Variants in RXRB observed in about 807,000 individuals in gnomAD.
RXRB encodes retinoid X receptor beta, also known as retinoic acid receptor RXR-beta.
In RXRB, 18 loss-of-function variants were observed where a neutral mutation model predicts 52.5. That is an observed-to-expected ratio of 0.34 (90% confidence interval 0.24 to 0.51). RXRB has a LOEUF of 0.51. RXRB is among the 20% of genes least tolerant of loss of function. The pLI is 0.97. For missense variants in RXRB, 455 were observed against 698.2 expected, an observed-to-expected ratio of 0.65 and a Z score of 3.92; for synonymous variants, 233 against 267.1, an observed-to-expected ratio of 0.87 and a Z score of 1.25.
At chr6:33,198,216 G>T in intron 3 of RXRB, 92 bp downstream of exon 3, 2 of 1,568,518 alleles carry the variant, frequency 1.3e-6, no homozygotes, top group Non-Finnish European at 8.8e-7. Flanking sequence ...CAGGTCACTT[G>T]CTCTGACCAA....
At position 33,198,382 on chromosome 6, in the gene RXRB, AGGC is replaced by A. The variant is rs1350007211; in HGVS notation, c.563_565del (p.Gly188_Leu189delinsVal). 6.2e-7 allele frequency: 1 copy of A among 1,612,734 alleles called. No homozygotes were observed. Among genetic ancestry groups the A allele is most frequent in the East Asian group, 2.2e-5 (1 of 44,898 alleles). ...GCCACCTGGAGGGGGTGGACAGTGCAGGCCCCGGACCCCTAAGACTGGTGGCTT... is the reference window on the plus strand; with the variant it reads ...GCCACCTGGAGGGGGTGGACAGTGCACCCGGACCCCTAAGACTGGTGGCTT... On this transcript the variant is annotated inframe_deletion, in exon 3 of 10. Coordinates refer to ENST00000374680, the MANE Select transcript of RXRB (RefSeq NM_021976.5).
rs756256056 is a variant in RXRB, at chr6:33,200,010, C to T, written c.235+232G>A. 4 of 778,868 alleles carry T rather than the reference C, an allele frequency of 5.1e-6. No individual in the cohort carries two copies. The highest frequency in any genetic ancestry group is 5.1e-5 in the Admixed American group (3 of 58,972). The allele number at this position is 778,868 out of a possible 1,614,324, so 48.2% of individuals were successfully genotyped here. ...TAAGAGGAATCGTGCCCTTCCCAGG[C>T]CCGCGACCTCCGGTGCCCAAGGCCT... On this transcript the variant is annotated intron_variant, in intron 1 of 9. Coordinates refer to ENST00000374680, the MANE Select transcript of RXRB (RefSeq NM_021976.5). The surrounding 1 kb of genome is among the most constrained non-coding windows in gnomAD (Gnocchi z 6.3).
chr6:33,199,093 C>T, intron 2 of RXRB, 76 bp downstream of exon 2: 2 of 1,117,062 alleles, frequency 1.8e-6, no homozygotes, highest in Non-Finnish European at 2.3e-6. Flanking sequence ...TGGGGAAGTT[C>T]ACACAAGGAT....
chr6:33,198,021 G>T (rs556027133), intron 3 of RXRB, 80 bp from the exon 4 acceptor site: 2 of 1,473,086 alleles, frequency 1.4e-6, no homozygotes, highest in South Asian at 1.2e-5. Context: ...TCTCCCCCTA[G>T]CAAAACTTAA....
chr6:33,200,216 G>A lies in RXRB; in HGVS notation c.235+26C>T. 1.3e-6 allele frequency: 2 copies of A among 1,597,300 alleles called. No homozygotes were observed. Among genetic ancestry groups the A allele is most frequent in the East Asian group, 2.3e-5 (1 of 44,146 alleles). On this transcript the variant is annotated intron_variant, in intron 1 of 9. Coordinates refer to ENST00000374680, the MANE Select transcript of RXRB (RefSeq NM_021976.5). This position sits in a 1 kb window ranked among gnomAD's most constrained non-coding sequence, Gnocchi z 6.3. ...TCGCAGATAAAGCGGTCACTGGCTC[G>A]CCTGCCCTTCTGCTGGGGCACTCAC...
rs763211632 is a variant in RXRB at position 33,200,327 on chromosome 6, C to T, written c.150G>A (p.Ala50=). 1 of 1,587,636 alleles carries T rather than the reference C, an allele frequency of 6.3e-7. No homozygotes were observed. The highest frequency in any genetic ancestry group is 1.1e-5 in the South Asian group (1 of 88,626). Residue 50 remains alanine (A), a synonymous_variant, in exon 1 of 10, where the codon GCG becomes GCA. Coordinates refer to ENST00000374680, the MANE Select transcript of RXRB (RefSeq NM_021976.5). This position sits in a 1 kb window ranked among gnomAD's most constrained non-coding sequence, Gnocchi z 6.3. ...RPWLDPAAAA[A]AAVAGGEQQT... is the part of the protein sequence containing the mutation. Reference sequence around the variant, plus strand: ...GTTGTTCTCCGCCTGCCACCGCCGCCGCCGCCGCCGCTGCGGGATCCAGCC... The same window carrying T: ...GTTGTTCTCCGCCTGCCACCGCCGCTGCCGCCGCCGCTGCGGGATCCAGCC...
At position 33,200,350 on chromosome 6, in the gene RXRB, G is replaced by A. The variant is rs1441375981; in HGVS notation, c.127C>T (p.Leu43=). The stretch of plus-strand genomic sequence containing the variant: ...GCCGCCGCCGCCGCTGCGGGATCCA[G>A]CCAGGGCCGTCGCCGCCGCCACCGG... ...ASRWRRRRPW[L]DPAAAAAAAV... Residue 43 remains leucine (L), a synonymous_variant, in exon 1 of 10, where the codon CTG becomes TTG. Transcript: ENST00000374680. This position sits in a 1 kb window ranked among gnomAD's most constrained non-coding sequence, Gnocchi z 6.3. The A allele has an allele frequency of 1.9e-6, 3 of 1,576,434 alleles. No individual in the cohort carries two copies. Among genetic ancestry groups the A allele is most frequent in the Admixed American group, 3.6e-5 (2 of 55,876 alleles).
chr6:33,196,589 G>T lies in RXRB; in HGVS notation c.838C>A (p.Gln280Lys), dbSNP rs751835542. 1 of 1,610,498 alleles carries T rather than the reference G, an allele frequency of 6.2e-7. No homozygotes were observed. The highest frequency in any genetic ancestry group is 1.7e-5 in the Admixed American group (1 of 59,724). ...TCCCCATCCTTGTCCTTTCCCCGCT[G>T]ACGCTCCTCCTGTACCGCTGCAGGG... is the stretch of plus-strand genomic sequence containing the variant. ...MKREAVQEER[Q>K]RGKDKDGDGE... is the part of the protein sequence containing the mutation. The change falls in exon 5 of 10, where the codon CAG becomes AAG. Residue 280 changes from glutamine (Q) to lysine (K), a missense_variant. Gln to Lys is a moderately conservative substitution (Grantham distance 53). Transcript: ENST00000374680. The surrounding 1 kb of genome is among the most constrained non-coding windows in gnomAD (Gnocchi z 4.0).
Position 33,195,056 on chromosome 6 carries a change from A to G in RXRB, c.1349-6T>C, listed in dbSNP as rs1370423903. On this transcript the variant is annotated splice_region_variant and splice_polypyrimidine_tract_variant and intron_variant, in intron 8 of 9. Transcript: ENST00000374680. This position sits in a 1 kb window ranked among gnomAD's most constrained non-coding sequence, Gnocchi z 8.6. Reference sequence around the variant, plus strand: ...GTTGGAGAGGCCCTTGGCATCTGGGATGGCAGGGAAGAGAGGAGGAAGAGA... The same window carrying G: ...GTTGGAGAGGCCCTTGGCATCTGGGGTGGCAGGGAAGAGAGGAGGAAGAGA... 3 of 1,594,508 alleles carry G rather than the reference A, an allele frequency of 1.9e-6. No homozygotes were observed. The highest frequency in any genetic ancestry group is 3.3e-5 in the Admixed American group (2 of 59,980).
rs1467708775 is a variant in RXRB, at chr6:33,199,918, GAGAC to G, written c.235+320_235+323del. ...AGGTAGCCAGAGCGTGCAAGGGAAA[GAGAC>G]AGGCAGGAGAGACCCCTCCTAAGAC... On this transcript the variant is annotated intron_variant, in intron 1 of 9. Coordinates refer to ENST00000374680, the MANE Select transcript of RXRB (RefSeq NM_021976.5). The G allele has an allele frequency of 2.1e-5, 15 of 700,338 alleles. No homozygotes were observed. The East Asian group carries it at 4.0e-4, about 19-fold the overall frequency. The allele number at this position is 700,338 out of a possible 1,614,324, so 43.4% of individuals were successfully genotyped here.
In RXRB at chr6:33,197,033, A is replaced by G. The variant is rs917083775; in HGVS notation, c.821-427T>C. Among the ~76,000 whole-genome samples, 2 of 152,182 alleles carry G rather than the reference A, an allele frequency of 1.3e-5. No homozygotes were observed. Among genetic ancestry groups the G allele is most frequent in the African/African-American group, 4.8e-5 (2 of 41,438 alleles). Reference sequence around the variant, plus strand: ...AAGATGAAGAACTCGGGGTTCAAAGAGATTAGTTTGCTTAAATTCATATAA... The same window carrying G: ...AAGATGAAGAACTCGGGGTTCAAAGGGATTAGTTTGCTTAAATTCATATAA... On this transcript the variant is annotated intron_variant, in intron 4 of 9. Transcript: ENST00000374680. This position sits in a 1 kb window ranked among gnomAD's most constrained non-coding sequence, Gnocchi z 4.4.
chr6:33,199,850 CGTG>C (rs1774302664), intron 1 of RXRB: 1 of 594,444 alleles, frequency 1.7e-6, no homozygotes, highest in African/African-American at 1.8e-5. Flanking sequence ...TGGGGCAGCA[CGTG>C]GGGTAGACCA....
chr6:33,200,634 G>C lies in RXRB; in HGVS notation c.-158C>G. ...CTCTGCTCAGTACCAAAATGACAGC[G>C]CCAATGTGGCAGCCATCTTTGTACA... On this transcript the variant is annotated 5_prime_UTR_variant, in exon 1 of 10. Coordinates refer to ENST00000374680, the MANE Select transcript of RXRB (RefSeq NM_021976.5). The surrounding 1 kb of genome is among the most constrained non-coding windows in gnomAD (Gnocchi z 6.3). 6.6e-7 allele frequency: 1 copy of C among 1,513,726 alleles called. No individual in the cohort carries two copies. Among genetic ancestry groups the C allele is most frequent in the South Asian group, 1.3e-5 (1 of 78,444 alleles). 93.8% of individuals were successfully genotyped at this position (1,513,726 alleles called of 1,614,324 possible).
Position 33,194,327 on chromosome 6 carries a change from T to G in RXRB, c.*355A>C. On this transcript the variant is annotated 3_prime_UTR_variant, in exon 10 of 10. Coordinates refer to ENST00000374680, the MANE Select transcript of RXRB (RefSeq NM_021976.5). The surrounding 1 kb of genome is among the most constrained non-coding windows in gnomAD (Gnocchi z 4.1). ...GAGTTCCCCATTTCCACTCTTCAGA[T>G]GGGAAGCAAAATGAGGCAAGATGAG... 4.7e-6 allele frequency: 1 copy of G among 215,020 alleles called. No individual in the cohort carries two copies. The highest frequency in any genetic ancestry group is 9.2e-6 in the Non-Finnish European group (1 of 108,814). The allele number at this position is 215,020 out of a possible 1,614,324, so 13.3% of individuals were successfully genotyped here.
At position 33,195,863 on chromosome 6, in the gene RXRB, A is replaced by T; in HGVS notation, c.1123+44T>A. 6.3e-7 allele frequency: 1 copy of T among 1,577,430 alleles called. No homozygotes were observed. The highest frequency in any genetic ancestry group is 1.8e-5 in the African/African-American group (1 of 55,256). On this transcript the variant is annotated intron_variant, in intron 6 of 9. Transcript: ENST00000374680. This position sits in a 1 kb window ranked among gnomAD's most constrained non-coding sequence, Gnocchi z 8.6. The stretch of plus-strand genomic sequence containing the variant: ...GTCACTAAAGATCGGGAAGTCAAAG[A>T]GGGGTCAAATGTCAAGAAGTCAAAG...
In RXRB at chr6:33,196,553, C is replaced by T; in HGVS notation, c.874G>A (p.Ala292Thr). 2 of 1,612,550 alleles carry T rather than the reference C, an allele frequency of 1.2e-6. No homozygotes were observed. The highest frequency in any genetic ancestry group is 1.7e-6 in the Non-Finnish European group (2 of 1,179,606). Residue 292 changes from alanine to threonine, a missense_variant, in exon 5 of 10, where the codon GCT becomes ACT. Ala to Thr is a moderately conservative substitution (Grantham distance 58). Coordinates refer to ENST00000374680, the MANE Select transcript of RXRB (RefSeq NM_021976.5). The surrounding 1 kb of genome is among the most constrained non-coding windows in gnomAD (Gnocchi z 4.0). ...GGCATCTCCTCGGGGGCTCCCCCAG[C>T]CCCCTCCCCATCCCCATCCTTGTCC... ...GKDKDGDGEG[A>T]GGAPEEMPVD...
Position 33,195,152 on chromosome 6 carries a change from G to T in RXRB, c.1349-102C>A, listed in dbSNP as rs763222503. ...AGGATGCCCCTTTTGGGCTGCACTT[G>T]CTTGCCCTTTACCAGAGGCCTGGCA... On this transcript the variant is annotated intron_variant, in intron 8 of 9. Transcript: ENST00000374680. The surrounding 1 kb of genome is among the most constrained non-coding windows in gnomAD (Gnocchi z 8.6). The T allele has an allele frequency of 2.2e-5, 20 of 918,632 alleles. No individual in the cohort carries two copies. The highest frequency in any genetic ancestry group is 3.2e-5 in the African/African-American group (2 of 61,868). The allele number at this position is 918,632 out of a possible 1,614,324, so 56.9% of individuals were successfully genotyped here.
In RXRB at chr6:33,197,403, T is replaced by G. The variant is rs1773993299; in HGVS notation, c.820+359A>C. ...CTTAAGAGTGCCCAGTCCCAGGAGT[T>G]AGAGGAAAGATCACAGATAACAGGA... On this transcript the variant is annotated intron_variant, in intron 4 of 9. Coordinates refer to ENST00000374680, the MANE Select transcript of RXRB (RefSeq NM_021976.5). The surrounding 1 kb of genome is among the most constrained non-coding windows in gnomAD (Gnocchi z 4.4). 6.6e-6 allele frequency among the ~76,000 whole-genome samples: 1 copy of G among 152,036 alleles called. No homozygotes were observed. The highest frequency in any genetic ancestry group is 2.4e-5 in the African/African-American group (1 of 41,364).
At position 33,199,411 on chromosome 6, in the gene RXRB, G is replaced by A; in HGVS notation, c.241C>T (p.Arg81Ter). The A allele has an allele frequency of 5.6e-6, 7 of 1,252,972 alleles. No homozygotes were observed. The highest frequency in any genetic ancestry group is 4.1e-5 in the Admixed American group (1 of 24,656). The allele number at this position is 1,252,972 out of a possible 1,614,324, so 77.6% of individuals were successfully genotyped here. ...TTTGGGGAGGAGCTGTCTGGGCTTC[G>A]GGAGTCTGAGGGAGGGGTATGTACA... ...DGMGDSGRDS[R>*]SPDSSSPNPL... Residue 81 changes from arginine to a stop codon, truncating the protein, a stop_gained, in exon 2 of 10, where the codon CGA becomes TGA. Coordinates refer to ENST00000374680, the MANE Select transcript of RXRB (RefSeq NM_021976.5). LOFTEE classifies it high-confidence loss of function.
Sources: allele counts gnomAD v4.1 joint callset (sites outside exome capture counted in the v4.1 genomes callset), GRCh38; gene constraint gnomAD v4.1.1; non-coding constraint Gnocchi (gnomAD v3.1); transcripts MANE v1.5; gene names NCBI Gene and HGNC (gene_info 2026-07-23, HGNC 2026-07-21).